The following GSG1L variants were observed in gnomAD, a reference collection of about 807,000 sequenced individuals.
GSG1L encodes germ cell-specific gene 1-like protein.
GSG1L carries 24 observed loss-of-function variants against 42.1 expected under a neutral mutation model. The observed-to-expected ratio is 0.57, with a 90% confidence interval of 0.41 to 0.80. The LOEUF is 0.80. Among genes scored for constraint, GSG1L ranks in the 30% least tolerant of loss-of-function variants. The probability of loss-of-function intolerance (pLI) is 0.00; values close to 1 mark genes in which losing one functional copy is unlikely to be tolerated. For synonymous variants in GSG1L, 215 were observed against 203.5 expected, an observed-to-expected ratio of 1.06 and a Z score of -0.48; for missense variants, 445 against 472.2, an observed-to-expected ratio of 0.94 and a Z score of 0.53.
chr16:27,925,471 T>C (rs2084580703), intron 2 of GSG1L, among the ~76,000 whole-genome samples: 1 of 152,142 alleles, frequency 6.6e-6, no homozygotes, highest in South Asian at 2.1e-4. Context: ...AGAAAGAGTC[T>C]TGACCCAGAA....
rs60746199 is a variant in GSG1L at position 27,891,884 on chromosome 16, C to CTTTTTTTTTT, written c.398-7256_398-7247dup. ...TCTGCAGGTACCGTCAGTGACAGAT[C>CTTTTTTTTTT]TTTTTTTTTTTTTTTTTTTTTTTTA... On this transcript the variant is annotated intron_variant, in intron 2 of 6. Transcript: ENST00000447459. Among the ~76,000 whole-genome samples the CTTTTTTTTTT allele has an allele frequency of 5.0e-4, 37 of 74,342 alleles. 6 individuals carry two copies. The highest frequency in any genetic ancestry group is 6.9e-4 in the Non-Finnish European group (26 of 37,956). 48.8% of individuals were successfully genotyped at this position (74,342 alleles called of 152,430 possible).
chr16:27,920,998 G>A (rs904219025), intron 2 of GSG1L, among the ~76,000 whole-genome samples: 17 of 152,162 alleles, frequency 1.1e-4, no homozygotes, highest in Admixed American at 1.3e-4. Context: ...CAGACGGAAT[G>A]AAATTAGCCG....
chr16:27,801,091 A>C (rs2082876111), intron 6 of GSG1L, among the ~76,000 whole-genome samples: 1 of 152,180 alleles, frequency 6.6e-6, no homozygotes, highest in African/African-American at 2.4e-5. Context: ...ATCCAGGCAG[A>C]GAGAACAGCA....
rs1449495129 is a variant in GSG1L at position 27,828,879 on chromosome 16, T to C, written c.740A>G (p.Glu247Gly). The change falls in exon 5 of 7, where the codon GAG becomes GGG. Residue 247 changes from glutamate (E) to glycine (G), a missense_variant. Around this residue, in one of 3 missense-constraint regions of GSG1L, gnomAD observed 140 missense variants for 120.6 expected, o/e 1.16. Transcript: ENST00000447459. ...TLNSYTKTVI[E>G]FRHKRKVFEQ... ...AAAGACCTTGCGCTTGTGCCGGAAC[T>C]CAATGACCGTCTTGGTGTAGGAGTT... The C allele has an allele frequency of 6.2e-7, 1 of 1,614,164 alleles. No homozygotes were observed. Among genetic ancestry groups the C allele is most frequent in the South Asian group, 1.1e-5 (1 of 91,076 alleles).
At chr16:28,027,488 T>C (rs910549890) in intron 1 of GSG1L, among the ~76,000 whole-genome samples, 6 of 152,134 alleles carry the variant, frequency 3.9e-5, no homozygotes, top group Non-Finnish European at 8.8e-5. Context: ...GTAGTGAAGA[T>C]AGAAATGTTC....
Position 27,884,299 on chromosome 16 carries a change from G to T in GSG1L, c.550+187C>A, listed in dbSNP as rs2083999943. ...TACTATAGCCTTAGTACCTGGTCTG[G>T]TGCTTAGCATGTATTAGATGCTCAG... On this transcript the variant is annotated intron_variant, in intron 3 of 6. Transcript: ENST00000447459. This position sits in a 1 kb window ranked among gnomAD's most constrained non-coding sequence, Gnocchi z 4.4. 6.6e-6 allele frequency among the ~76,000 whole-genome samples: 1 copy of T among 152,166 alleles called. No homozygotes were observed. The highest frequency in any genetic ancestry group is 6.5e-5 in the Admixed American group (1 of 15,276).
intron 1 of GSG1L, among the ~76,000 whole-genome samples, chr16:28,022,950 G>A (rs950673103): frequency 1.3e-5 from 2 of 152,114 alleles, no homozygotes; most frequent in Admixed American, 1.3e-4. Flanking sequence ...GATTACAGAT[G>A]TGAGCCACTG....
intron 4 of GSG1L, among the ~76,000 whole-genome samples, chr16:27,832,630 G>A (rs2083284819): frequency 6.6e-6 from 1 of 152,160 alleles, no homozygotes; most frequent in South Asian, 2.1e-4. Flanking sequence ...ATTTGGTGGT[G>A]TCACTATTTT....
chr16:28,040,883 G>A lies in GSG1L; in HGVS notation c.349+22193C>T, dbSNP rs775224991. On this transcript the variant is annotated intron_variant, in intron 1 of 6. Coordinates refer to ENST00000447459, the MANE Select transcript of GSG1L (RefSeq NM_001109763.2). This position sits in a 1 kb window ranked among gnomAD's most constrained non-coding sequence, Gnocchi z 4.1. ...ATCCCAGACCATCTCTCTGCGTTCC[G>A]AGGGCCTTATTCAGACCCCACAGCA... is the stretch of plus-strand genomic sequence containing the variant. Among the ~76,000 whole-genome samples the A allele has an allele frequency of 1.7e-4, 26 of 152,144 alleles. No individual in the cohort carries two copies. Among genetic ancestry groups the A allele is most frequent in the South Asian group, 4.1e-4 (2 of 4,824 alleles).
intron 2 of GSG1L, among the ~76,000 whole-genome samples, chr16:27,949,965 C>T (rs1194732157): frequency 6.6e-6 from 1 of 152,072 alleles, no homozygotes; most frequent in Non-Finnish European, 1.5e-5. Context: ...GGAAACATGA[C>T]AAAATAGTGT....
intron 1 of GSG1L, among the ~76,000 whole-genome samples, chr16:28,004,474 GAAA>G (rs34685470): frequency 2.2e-5 from 3 of 137,248 alleles, no homozygotes. Flanking sequence ...AGTGAGTGAG[GAAA>G]AAAAAAAAAA....
intron 1 of GSG1L, among the ~76,000 whole-genome samples, chr16:27,985,561 C>T (rs749930734): frequency 6.6e-6 from 1 of 151,966 alleles, no homozygotes; most frequent in African/African-American, 2.4e-5. Context: ...TACCCAGTCT[C>T]GGCCGGGCAC....
intron 2 of GSG1L, among the ~76,000 whole-genome samples, chr16:27,886,196 T>C (rs528277700): frequency 2.6e-4 from 39 of 152,294 alleles, no homozygotes; most frequent in African/African-American, 9.1e-4. Context: ...TCCCAGCACT[T>C]TGGCAGGCTG....
At chr16:27,888,458 T>TTCTCTCTCTCTC (rs1567505725) in intron 2 of GSG1L, among the ~76,000 whole-genome samples, 1 of 45,538 alleles carries the variant, frequency 2.2e-5, no homozygotes, top group Admixed American at 3.0e-4. Flanking sequence ...CTTTCTTTCT[T>TTCTCTCTCTCTC]TCTTTCTCTC....
At chr16:27,905,380 A>G (rs1365595594) in intron 2 of GSG1L, among the ~76,000 whole-genome samples, 1 of 147,980 alleles carries the variant, frequency 6.8e-6, no homozygotes, top group Admixed American at 6.8e-5. Context: ...GCTGGACTGC[A>G]GCAGTGCAAT....
At chr16:27,980,487 C>T (rs561742829) in intron 1 of GSG1L, among the ~76,000 whole-genome samples, 3 of 152,276 alleles carry the variant, frequency 2.0e-5, no homozygotes, top group Admixed American at 6.5e-5. Context: ...ATGCTTTATG[C>T]GCCTACCAAC....
chr16:27,850,331 A>G (rs1473600049), intron 3 of GSG1L: 2 of 349,656 alleles, frequency 5.7e-6, no homozygotes, highest in East Asian at 1.6e-4. Flanking sequence ...CGGCCTTGAA[A>G]TGCCTATTTT....
At chr16:28,036,189 G>T (rs886171494) in intron 1 of GSG1L, among the ~76,000 whole-genome samples, 1 of 152,182 alleles carries the variant, frequency 6.6e-6, no homozygotes, top group African/African-American at 2.4e-5. Flanking sequence ...GAGTAGACTC[G>T]CCTGGCTCCC....
At chr16:28,033,268 C>T (rs1459178973) in intron 1 of GSG1L, among the ~76,000 whole-genome samples, 3 of 152,224 alleles carry the variant, frequency 2.0e-5, no homozygotes, top group African/African-American at 4.8e-5. Flanking sequence ...TCCGACCTCA[C>T]TATCTGAAGG....
Sources: allele counts gnomAD v4.1 joint callset (sites outside exome capture counted in the v4.1 genomes callset), GRCh38; gene constraint gnomAD v4.1.1; regional missense constraint gnomAD v4.1.1; non-coding constraint Gnocchi (gnomAD v3.1); transcripts MANE v1.5; gene names NCBI Gene and HGNC (gene_info 2026-07-23, HGNC 2026-07-21).